Variants in PBX1 observed in about 807,000 individuals in gnomAD.
PBX1 encodes pre-B-cell leukemia transcription factor 1.
In PBX1, 6 loss-of-function variants were observed where a neutral mutation model predicts 53.4. That is an observed-to-expected ratio of 0.11 (90% CI 0.06 to 0.22). PBX1 has a LOEUF of 0.22. PBX1 is among the 10% of genes least tolerant of loss of function. PBX1 has a pLI of 1.00. For synonymous variants in PBX1, 204 were observed against 212.3 expected, an observed-to-expected ratio of 0.96 and a Z score of 0.34; for missense variants, 251 against 551.4, an observed-to-expected ratio of 0.46 and a Z score of 5.46.
intron 2 of PBX1, among the ~76,000 whole-genome samples, chr1:164,570,857 C>T (rs1653796596): frequency 6.6e-6 from 1 of 152,228 alleles, no homozygotes; most frequent in Admixed American, 6.5e-5. Context: ...TCCATATCCT[C>T]TCCAGCATCT....
intron 2 of PBX1, among the ~76,000 whole-genome samples, chr1:164,883,192 C>T (rs567346066): frequency 6.6e-6 from 1 of 152,082 alleles, no homozygotes; most frequent in Non-Finnish European, 1.5e-5. Flanking sequence ...AAGTTGAGGC[C>T]ATCAGTGTTC....
At chr1:164,579,913 G>A (rs1215256065) in intron 2 of PBX1, among the ~76,000 whole-genome samples, 1 of 152,196 alleles carries the variant, frequency 6.6e-6, no homozygotes, top group Non-Finnish European at 1.5e-5. Context: ...AGGAAACTGA[G>A]GCATAGAGAG....
chr1:164,611,527 C>T (rs565506090), intron 2 of PBX1, among the ~76,000 whole-genome samples: 22 of 152,198 alleles, frequency 1.4e-4, no homozygotes, highest in South Asian at 6.2e-4. Flanking sequence ...CGTGAGCCAC[C>T]GCGCCCGGCC....
chr1:164,705,572 C>T (rs192608228), intron 2 of PBX1, among the ~76,000 whole-genome samples: 213 of 152,282 alleles, frequency 1.4e-3, no homozygotes, highest in African/African-American at 4.9e-3. Context: ...AACCAGACCT[C>T]ATATTCTTTT....
In PBX1 at chr1:164,870,847, T is replaced by C. The variant is rs377102152; in HGVS notation, n.258-28341T>C. On this transcript the variant is annotated intron_variant and non_coding_transcript_variant, in intron 2 of 2. Transcript: ENST00000558796. ...TGGACAGGGTTCCAGTGGGAGGCCA[T>C]GGGGCATCACTCCCCATCTCCTATT... is the stretch of plus-strand genomic sequence containing the variant. Among the ~76,000 whole-genome samples the C allele has an allele frequency of 3.3e-4, 51 of 152,304 alleles. 1 individual carries two copies. In the East Asian group the frequency reaches 4.3e-3, roughly 13 times the overall value.
At chr1:164,833,606 CTT>C (rs921992513) in intron 8 of PBX1, among the ~76,000 whole-genome samples, 5 of 152,156 alleles carry the variant, frequency 3.3e-5, no homozygotes, top group Non-Finnish European at 7.3e-5. Flanking sequence ...GTTTCTGACA[CTT>C]ATCTTTCATT....
intron 2 of PBX1, among the ~76,000 whole-genome samples, chr1:164,572,600 G>T (rs1211766914): frequency 6.6e-6 from 1 of 152,160 alleles, no homozygotes; most frequent in Non-Finnish European, 1.5e-5. Flanking sequence ...GTGACAGAGG[G>T]AGCATGGACT....
At chr1:164,599,212 T>C (rs564670260) in intron 2 of PBX1, among the ~76,000 whole-genome samples, 2 of 151,984 alleles carry the variant, frequency 1.3e-5, no homozygotes, top group Non-Finnish European at 2.9e-5. Context: ...CAGCATGAAC[T>C]CCAGTTCTTT....
chr1:164,686,903 G>A (rs1283858892), intron 2 of PBX1, among the ~76,000 whole-genome samples: 1 of 151,868 alleles, frequency 6.6e-6, no homozygotes, highest in Admixed American at 6.6e-5. Context: ...CTTGCTGTAA[G>A]CAGAGATCGT....
chr1:164,763,566 A>C (rs188553039), intron 2 of PBX1, among the ~76,000 whole-genome samples: 1 of 152,336 alleles, frequency 6.6e-6, no homozygotes, highest in African/African-American at 2.4e-5. Flanking sequence ...ACTTGGGTTT[A>C]GCTACAGCCT....
intron 8 of PBX1, among the ~76,000 whole-genome samples, chr1:164,835,565 C>T (rs142601119): frequency 1.3e-5 from 2 of 152,124 alleles, no homozygotes; most frequent in African/African-American, 2.4e-5. Context: ...GTTGCTAGTG[C>T]GATTGAACAT....
intron 2 of PBX1, among the ~76,000 whole-genome samples, chr1:164,712,178 A>T (rs867795499): frequency 7.5e-5 from 1 of 13,280 alleles, no homozygotes; most frequent in Middle Eastern, 0.17. Flanking sequence ...AGAAGAGATT[A>T]AAAAAAAAAA....
chr1:164,778,891 G>A (rs899032436), intron 2 of PBX1, among the ~76,000 whole-genome samples: 1 of 152,122 alleles, frequency 6.6e-6, no homozygotes, highest in African/African-American at 2.4e-5. Context: ...CAGCTGTGAG[G>A]TAGGGAGAAC....
chr1:164,705,964 A>G (rs1453825979), intron 2 of PBX1, among the ~76,000 whole-genome samples: 4 of 152,242 alleles, frequency 2.6e-5, no homozygotes, highest in Admixed American at 2.0e-4. Flanking sequence ...CATAGCATTT[A>G]CAGAAATAAG....
chr1:164,591,112 A>C (rs2101770253), intron 2 of PBX1, among the ~76,000 whole-genome samples: 1 of 151,816 alleles, frequency 6.6e-6, no homozygotes, highest in East Asian at 1.9e-4. Context: ...CCCAGGTTCA[A>C]GCGATTCTCC....
Position 164,870,199 on chromosome 1 carries a change from T to A in PBX1, n.258-28989T>A, listed in dbSNP as rs1358029620. 7.0e-4 allele frequency among the ~76,000 whole-genome samples: 101 copies of A among 145,134 alleles called. 3 individuals are homozygous for A. The South Asian group carries it at 9.9e-3, about 14-fold the overall frequency. On this transcript the variant is annotated intron_variant and non_coding_transcript_variant, in intron 2 of 2. Transcript: ENST00000558796. ...TCACTTTTTCTCTATTGACTTTCTTTCTTTCTTTCTTTTCTTTCTTTCCTT... is the reference window on the plus strand; with the variant it reads ...TCACTTTTTCTCTATTGACTTTCTTACTTTCTTTCTTTTCTTTCTTTCCTT...
chr1:164,844,656 T>C (rs1571517452), intron 8 of PBX1, among the ~76,000 whole-genome samples: 1 of 152,196 alleles, frequency 6.6e-6, no homozygotes, highest in East Asian at 1.9e-4. Flanking sequence ...GGATCTTCTT[T>C]GGGAAAAATA....
intron 3 of PBX1, 23 bp downstream of exon 3, chr1:164,792,761 C>A: frequency 6.4e-7 from 1 of 1,556,704 alleles, no homozygotes; most frequent in South Asian, 1.2e-5. Flanking sequence ...ACCTGGGGCT[C>A]GGCACCCAGG....
intron 2 of PBX1, among the ~76,000 whole-genome samples, chr1:164,755,988 C>A (rs1404209877): frequency 1.4e-5 from 2 of 141,332 alleles, no homozygotes; most frequent in African/African-American, 5.2e-5. Context: ...CATTGTAAAA[C>A]CCGATTCAGG....
Sources: allele counts gnomAD v4.1 joint callset (sites outside exome capture counted in the v4.1 genomes callset), GRCh38; gene constraint gnomAD v4.1.1; transcripts MANE v1.5; gene names NCBI Gene and HGNC (gene_info 2026-07-23, HGNC 2026-07-21).